PARD3B: variants seen among roughly 807,000 people sequenced by gnomAD.
PARD3B encodes the protein par-3 family cell polarity regulator beta.
In PARD3B, 103 loss-of-function variants were observed where a neutral mutation model predicts 130.2. The observed-to-expected ratio is 0.79, with a 90% CI of 0.67 to 0.93. The LOEUF is 0.93. PARD3B is among the 40% of genes least tolerant of loss of function. The probability of loss-of-function intolerance (pLI) is 0.00; values close to 1 mark genes in which losing one functional copy is unlikely to be tolerated. For synonymous variants in PARD3B, 583 were observed against 553.2 expected, an observed-to-expected ratio of 1.05 and a Z score of -0.76; for missense variants, 1,609 against 1,499.2, an observed-to-expected ratio of 1.07 and a Z score of -1.21.
Position 205,105,288 on chromosome 2 carries a change from G to A in PARD3B, c.593+774G>A, listed in dbSNP as rs141172475. The stretch of plus-strand genomic sequence containing the variant: ...GTTGTGGTTAGGATAAATCCTGTGA[G>A]TGTTTGCTGCTGTTTCTACTACTAT... On this transcript the variant is annotated intron_variant, in intron 5 of 22. Transcript: ENST00000406610. The surrounding 1 kb of genome is among the most constrained non-coding windows in gnomAD (Gnocchi z 4.0). Among the ~76,000 whole-genome samples the A allele has an allele frequency of 6.6e-6, 1 of 152,308 alleles. No individual in the cohort carries two copies. Among genetic ancestry groups the A allele is most frequent in the Non-Finnish European group, 1.5e-5 (1 of 68,018 alleles).
intron 1 of PARD3B, among the ~76,000 whole-genome samples, chr2:204,632,740 C>T (rs542846704): frequency 6.6e-6 from 1 of 152,198 alleles, no homozygotes; most frequent in African/African-American, 2.4e-5. Context: ...TCACTCACTG[C>T]TTCTGTTGGC....
Position 205,176,371 on chromosome 2 carries a change from C to A in PARD3B, c.1792-74C>A. The A allele has an allele frequency of 7.2e-7, 1 of 1,398,286 alleles. No individual in the cohort carries two copies. Among genetic ancestry groups the A allele is most frequent in the Middle Eastern group, 1.9e-4 (1 of 5,328 alleles). The allele number at this position is 1,398,286 out of a possible 1,614,324, so 86.6% of individuals were successfully genotyped here. The stretch of plus-strand genomic sequence containing the variant: ...AAAGACTATTCATACAGCGATCATT[C>A]TTTCACTTTGCTTCAACTGACCAAG... On this transcript the variant is annotated intron_variant, in intron 12 of 22. Coordinates refer to ENST00000406610, the MANE Select transcript of PARD3B (RefSeq NM_001302769.2). This position sits in a 1 kb window ranked among gnomAD's most constrained non-coding sequence, Gnocchi z 5.3.
At chr2:204,884,015 G>C (rs1250562826) in intron 2 of PARD3B, among the ~76,000 whole-genome samples, 2 of 147,364 alleles carry the variant, frequency 1.4e-5, no homozygotes, top group African/African-American at 5.0e-5. Flanking sequence ...GGGATTACAG[G>C]TGTGAGCCAC....
chr2:205,309,983 T>G lies in PARD3B; in HGVS notation c.2630+8282T>G, dbSNP rs2042319793. On this transcript the variant is annotated intron_variant, in intron 18 of 22. Transcript: ENST00000406610. This position sits in a 1 kb window ranked among gnomAD's most constrained non-coding sequence, Gnocchi z 4.7. ...TCTATATATGGTATGCAACATGATG[T>G]TTTAATATATATACACAATGTGGAA... is the stretch of plus-strand genomic sequence containing the variant. 6.6e-6 allele frequency among the ~76,000 whole-genome samples: 1 copy of G among 152,148 alleles called. No individual in the cohort carries two copies. Among genetic ancestry groups the G allele is most frequent in the African/African-American group, 2.4e-5 (1 of 41,428 alleles).
At chr2:205,392,313 G>A (rs948822267) in intron 18 of PARD3B, among the ~76,000 whole-genome samples, 4 of 152,154 alleles carry the variant, frequency 2.6e-5, no homozygotes, top group African/African-American at 9.7e-5. Flanking sequence ...CCCTGATTCA[G>A]AATGAGAAAT....
chr2:205,473,988 A>G lies in PARD3B; in HGVS notation c.3045-25908A>G, dbSNP rs907675403. Among the ~76,000 whole-genome samples the G allele has an allele frequency of 3.3e-5, 5 of 151,592 alleles. No individual in the cohort carries two copies. Among genetic ancestry groups the G allele is most frequent in the African/African-American group, 1.2e-4 (5 of 41,340 alleles). Reference sequence around the variant, plus strand: ...TAGGTTTCATTATGGGTCATAAAGCACTGTCATATACATGTTCTTATTTCA... The same window carrying G: ...TAGGTTTCATTATGGGTCATAAAGCGCTGTCATATACATGTTCTTATTTCA... On this transcript the variant is annotated intron_variant, in intron 20 of 22. Transcript: ENST00000406610. This position sits in a 1 kb window ranked among gnomAD's most constrained non-coding sequence, Gnocchi z 4.9.
chr2:205,238,565 C>T (rs1229606872), intron 15 of PARD3B, among the ~76,000 whole-genome samples: 2 of 151,942 alleles, frequency 1.3e-5, no homozygotes, highest in Non-Finnish European at 2.9e-5. Context: ...GGTGCGGTGG[C>T]TTACGCCTGT....
chr2:204,558,364 C>G (rs1249304675), intron 1 of PARD3B, among the ~76,000 whole-genome samples: 4 of 152,174 alleles, frequency 2.6e-5, no homozygotes, highest in African/African-American at 9.7e-5. Context: ...GATACAAAAT[C>G]AGTGTGCAAA....
chr2:204,997,687 TA>T (rs1694346304), intron 3 of PARD3B, among the ~76,000 whole-genome samples: 2 of 152,048 alleles, frequency 1.3e-5, no homozygotes, highest in South Asian at 4.1e-4. Flanking sequence ...CAAATTATTT[TA>T]TTTTTTTACT....
At chr2:205,062,578 G>GT (rs1575677913) in intron 4 of PARD3B, among the ~76,000 whole-genome samples, 2 of 152,168 alleles carry the variant, frequency 1.3e-5, no homozygotes, top group South Asian at 4.1e-4. Flanking sequence ...AGAATGTATT[G>GT]TTTTTTATCT....
chr2:204,842,731 A>G (rs1055683993), intron 2 of PARD3B, among the ~76,000 whole-genome samples: 2 of 152,156 alleles, frequency 1.3e-5, no homozygotes, highest in African/African-American at 4.8e-5. Context: ...AACATTTTAC[A>G]TTTTTGTTGA....
rs182763637 is a variant in PARD3B at position 205,121,394 on chromosome 2, A to G, written c.807-197A>G. Among the ~76,000 whole-genome samples, 7 of 152,308 alleles carry G rather than the reference A, an allele frequency of 4.6e-5. No individual in the cohort carries two copies. In the East Asian group the frequency reaches 1.4e-3, roughly 29 times the overall value. ...GATGCATGCTAATAATGCATGTATA[A>G]GCTAGTGCAGGGGCACCTAGTGCAA... On this transcript the variant is annotated intron_variant, in intron 7 of 22. Coordinates refer to ENST00000406610, the MANE Select transcript of PARD3B (RefSeq NM_001302769.2). The surrounding 1 kb of genome is among the most constrained non-coding windows in gnomAD (Gnocchi z 5.0).
At chr2:205,126,752 C>CAAAAAAAAAAAAAAA (rs4045004) in intron 10 of PARD3B, among the ~76,000 whole-genome samples, 21 of 74,456 alleles carry the variant, frequency 2.8e-4, no homozygotes, top group Non-Finnish European at 3.6e-4. Context: ...GACTCCGTCT[C>CAAAAAAAAAAAAAAA]AAAAAAAAAA....
rs1442919478 is a variant in PARD3B, at chr2:204,906,624, A to G, written c.223-58528A>G. Among the ~76,000 whole-genome samples, 2 of 152,220 alleles carry G rather than the reference A, an allele frequency of 1.3e-5. No individual in the cohort carries two copies. Among genetic ancestry groups the G allele is most frequent in the African/African-American group, 4.8e-5 (2 of 41,454 alleles). On this transcript the variant is annotated intron_variant, in intron 2 of 22. Transcript: ENST00000406610. This position sits in a 1 kb window ranked among gnomAD's most constrained non-coding sequence, Gnocchi z 4.3. The stretch of plus-strand genomic sequence containing the variant: ...AATTTAGCAACCATTGTTCTGTTTG[A>G]TAACCACAGCTTGACAGATATATTA...
chr2:204,600,807 C>G (rs2033478837), intron 1 of PARD3B, among the ~76,000 whole-genome samples: 1 of 151,768 alleles, frequency 6.6e-6, no homozygotes. Context: ...TCTCTTTCAA[C>G]TCATTTACAA....
chr2:204,601,979 G>A (rs1295632305), intron 1 of PARD3B, among the ~76,000 whole-genome samples: 1 of 151,884 alleles, frequency 6.6e-6, no homozygotes, highest in Non-Finnish European at 1.5e-5. Context: ...TATAATTATG[G>A]CGACTTTAGA....
intron 1 of PARD3B, among the ~76,000 whole-genome samples, chr2:204,556,278 T>C (rs1286752050): frequency 6.6e-6 from 1 of 152,174 alleles, no homozygotes; most frequent in Non-Finnish European, 1.5e-5. Flanking sequence ...CTCTGTGTGA[T>C]GTTTTCTAGG....
intron 2 of PARD3B, among the ~76,000 whole-genome samples, chr2:204,862,109 A>C (rs982485962): frequency 6.6e-6 from 1 of 152,142 alleles, no homozygotes. Context: ...GTGGAAAATT[A>C]TGTTTCAAAT....
chr2:205,054,416 ATATATATATATATATATATATTTTTT>A (rs1559392848), intron 4 of PARD3B, among the ~76,000 whole-genome samples: 1 of 17,666 alleles, frequency 5.7e-5, no homozygotes, highest in Non-Finnish European at 1.4e-4. Context: ...ATATATATAT[ATATATATATATATATATATATTTTTT>A]TTTTTTTTTT....
Sources: allele counts gnomAD v4.1 joint callset (sites outside exome capture counted in the v4.1 genomes callset), GRCh38; gene constraint gnomAD v4.1.1; non-coding constraint Gnocchi (gnomAD v3.1); transcripts MANE v1.5; gene names NCBI Gene and HGNC (gene_info 2026-07-23, HGNC 2026-07-21).